Variants in GPC5 observed in about 807,000 individuals in gnomAD.
GPC5 encodes the protein glypican-5.
Under a neutral mutation model 53.9 loss-of-function variants are expected in GPC5, and 47 were observed. The observed-to-expected ratio is 0.87, with a 90% confidence interval of 0.69 to 1.11. The LOEUF (loss-of-function observed/expected upper bound fraction) is 1.11. Ranked by LOEUF, GPC5 falls within the 50% of genes most tolerant of loss-of-function variation. The probability of loss-of-function intolerance (pLI) is 0.00; values close to 1 mark genes in which losing one functional copy is unlikely to be tolerated. For synonymous variants in GPC5, 286 were observed against 263.3 expected (o/e 1.09, Z -0.84); for missense variants, 748 against 713.1 (o/e 1.05, Z -0.56).
chr13:92,853,828 G>C (rs1404036439), intron 7 of GPC5, among the ~76,000 whole-genome samples: 1 of 152,072 alleles, frequency 6.6e-6, no homozygotes, highest in Non-Finnish European at 1.5e-5. Context: ...GGCCCAGCGA[G>C]ATGCCCAGCA....
At chr13:92,771,205 T>C (rs971338300) in intron 7 of GPC5, among the ~76,000 whole-genome samples, 5 of 151,940 alleles carry the variant, frequency 3.3e-5, no homozygotes, top group African/African-American at 1.2e-4. Context: ...TGTTGGGGAG[T>C]GAGAAGAGCT....
At chr13:92,790,769 T>TTA (rs1876431645) in intron 7 of GPC5, among the ~76,000 whole-genome samples, 3 of 152,160 alleles carry the variant, frequency 2.0e-5, no homozygotes, top group African/African-American at 7.2e-5. Context: ...CTAATGGCCT[T>TTA]GTTTAATGAC....
intron 7 of GPC5, among the ~76,000 whole-genome samples, chr13:92,679,919 G>A (rs557042403): frequency 1.6e-5 from 2 of 123,762 alleles, no homozygotes; most frequent in East Asian, 4.6e-4. Context: ...TTTCAAGAGC[G>A]GAACACTTTA....
chr13:91,429,572 G>A (rs541021915), intron 1 of GPC5, among the ~76,000 whole-genome samples: 187 of 152,348 alleles, frequency 1.2e-3, no homozygotes, highest in Non-Finnish European at 2.1e-3. Context: ...ATTGGAAGAA[G>A]AGAGATGTCA....
intron 7 of GPC5, among the ~76,000 whole-genome samples, chr13:92,504,967 A>G (rs965351836): frequency 6.7e-6 from 1 of 148,838 alleles, no homozygotes; most frequent in Non-Finnish European, 1.5e-5. Flanking sequence ...AGTCATATCT[A>G]TATATATTTA....
chr13:91,776,740 T>A (rs2037717276), intron 5 of GPC5, among the ~76,000 whole-genome samples: 2 of 152,188 alleles, frequency 1.3e-5, no homozygotes, highest in Admixed American at 6.5e-5. Context: ...ATGACTAGTG[T>A]ATTTTTTCAT....
chr13:92,114,321 A>G (rs2041583159), intron 6 of GPC5, among the ~76,000 whole-genome samples: 2 of 152,234 alleles, frequency 1.3e-5, no homozygotes, highest in Middle Eastern at 3.4e-3. Context: ...GCACACACAC[A>G]TACTCACATG....
At chr13:92,474,399 G>C (rs1405576614) in intron 7 of GPC5, among the ~76,000 whole-genome samples, 13 of 151,912 alleles carry the variant, frequency 8.6e-5, no homozygotes, top group Non-Finnish European at 1.8e-4. Flanking sequence ...ATTGTGTTAC[G>C]GTGGCCATTT....
intron 5 of GPC5, among the ~76,000 whole-genome samples, chr13:91,847,112 G>A (rs1408254772): frequency 7.9e-5 from 12 of 151,592 alleles, no homozygotes; most frequent in East Asian, 7.8e-4. Flanking sequence ...CCAGCTACTC[G>A]GGAGGCTGAG....
intron 2 of GPC5, among the ~76,000 whole-genome samples, chr13:91,680,354 C>T (rs1594420803): frequency 2.6e-5 from 4 of 152,284 alleles, no homozygotes; most frequent in Middle Eastern, 6.8e-3. Context: ...GAGACTGAGG[C>T]AGGAGAATCA....
chr13:92,750,017 G>T lies in GPC5; in HGVS notation c.1562-116265G>T, dbSNP rs546854574. Among the ~76,000 whole-genome samples the T allele has an allele frequency of 2.0e-5, 3 of 152,306 alleles. No individual in the cohort carries two copies. In the East Asian group the frequency reaches 5.8e-4, roughly 29 times the overall value. ...CTTGATAACTGCCACCAGTAATGAAGTTGGACTGAATATTTTTCCAGTTCT... is the reference window on the plus strand; with the variant it reads ...CTTGATAACTGCCACCAGTAATGAATTTGGACTGAATATTTTTCCAGTTCT... On this transcript the variant is annotated intron_variant, in intron 7 of 7. Coordinates refer to ENST00000377067, the MANE Select transcript of GPC5 (RefSeq NM_004466.6).
chr13:92,091,756 C>A (rs1594759398), intron 6 of GPC5, among the ~76,000 whole-genome samples: 1 of 148,964 alleles, frequency 6.7e-6, no homozygotes, highest in African/African-American at 2.5e-5. Context: ...TTTCACCCCC[C>A]CACAGTGAAA....
chr13:91,470,971 A>C (rs1236405622), intron 2 of GPC5, among the ~76,000 whole-genome samples: 1 of 152,070 alleles, frequency 6.6e-6, no homozygotes, highest in African/African-American at 2.4e-5. Context: ...AAGTCTGACA[A>C]TCCAATTTTG....
chr13:92,825,137 TC>T, intron 7 of GPC5, among the ~76,000 whole-genome samples: 1 of 152,230 alleles, frequency 6.6e-6, no homozygotes, highest in East Asian at 1.9e-4. Flanking sequence ...ATTGCCCTAT[TC>T]CTGGGAAGAC....
chr13:92,231,890 C>T (rs556412580), intron 7 of GPC5, among the ~76,000 whole-genome samples: 3 of 152,212 alleles, frequency 2.0e-5, no homozygotes, highest in East Asian at 1.9e-4. Context: ...CGCTTGAAAC[C>T]GGAAGGTGGA....
At chr13:92,304,980 G>A (rs578138798) in intron 7 of GPC5, among the ~76,000 whole-genome samples, 7 of 152,206 alleles carry the variant, frequency 4.6e-5, no homozygotes, top group East Asian at 1.9e-4. Flanking sequence ...AGATGAGATC[G>A]GGTGCGTTCA....
chr13:92,636,035 A>G (rs972006434), intron 7 of GPC5, among the ~76,000 whole-genome samples: 1 of 152,244 alleles, frequency 6.6e-6, no homozygotes, highest in Non-Finnish European at 1.5e-5. Flanking sequence ...ATAAATTAAA[A>G]TGTCACCTAC....
intron 7 of GPC5, among the ~76,000 whole-genome samples, chr13:92,295,862 G>A (rs1036154412): frequency 2.0e-5 from 3 of 152,064 alleles, no homozygotes; most frequent in Non-Finnish European, 4.4e-5. Context: ...TATGCGTTAG[G>A]TAAGTCTCTT....
intron 7 of GPC5, among the ~76,000 whole-genome samples, chr13:92,565,730 C>A (rs1463458710): frequency 1.3e-5 from 2 of 151,904 alleles, no homozygotes; most frequent in Non-Finnish European, 2.9e-5. Context: ...ATTCATTTGC[C>A]ACACTTACAA....
Sources: allele counts gnomAD v4.1 joint callset (sites outside exome capture counted in the v4.1 genomes callset), GRCh38; gene constraint gnomAD v4.1.1; transcripts MANE v1.5; gene names NCBI Gene and HGNC (gene_info 2026-07-23, HGNC 2026-07-21).